Variants in PLD1 observed in about 807,000 individuals in gnomAD.
PLD1 encodes the protein phospholipase D1.
PLD1 carries 112 observed loss-of-function variants against 137.1 expected under a neutral mutation model. That is an observed-to-expected ratio of 0.82 (90% CI 0.70 to 0.96). The LOEUF is 0.96. Ranked by LOEUF, PLD1 falls within the 40% of genes least tolerant of loss-of-function variation. The probability of loss-of-function intolerance (pLI) is 0.00; values close to 1 mark genes in which losing one functional copy is unlikely to be tolerated. For synonymous variants in PLD1, 431 were observed against 454.7 expected, an observed-to-expected ratio of 0.95 and a Z score of 0.66; for missense variants, 1,321 against 1,342.0, an observed-to-expected ratio of 0.98 and a Z score of 0.24.
chr3:171,603,167 G>T lies in PLD1; in HGVS notation c.3136C>A (p.Gln1046Lys). Residue 1046 changes from glutamine to lysine, a missense_variant, in exon 27 of 27, where the codon CAA becomes AAA. Transcript: ENST00000351298. ...ELKKIRGFLVQFPFYFLSEES... is the reference protein window; with the variant it reads ...ELKKIRGFLVKFPFYFLSEES... Reference sequence around the variant, plus strand: ...TCAGACAAGAAATAAAAGGGGAATTGCACCAAAAATCCACGGATCTTCTTC... The same window carrying T: ...TCAGACAAGAAATAAAAGGGGAATTTCACCAAAAATCCACGGATCTTCTTC... The T allele has an allele frequency of 1.2e-6, 2 of 1,614,098 alleles. No homozygotes were observed. The highest frequency in any genetic ancestry group is 8.5e-7 in the Non-Finnish European group (1 of 1,179,976).
chr3:171,803,930 T>A (rs1723745261), intron 1 of PLD1, among the ~76,000 whole-genome samples: 1 of 152,176 alleles, frequency 6.6e-6, no homozygotes, highest in Non-Finnish European at 1.5e-5. Context: ...CTTTTAAAAA[T>A]AGTTTTAACA....
intron 1 of PLD1, among the ~76,000 whole-genome samples, chr3:171,738,928 A>C (rs1419834485): frequency 6.6e-6 from 1 of 152,228 alleles, no homozygotes; most frequent in Non-Finnish European, 1.5e-5. Flanking sequence ...CTGATGTAGA[A>C]ATAATCTGTT....
At position 171,616,176 on chromosome 3, in the gene PLD1, T is replaced by A. The variant is rs1401342256; in HGVS notation, c.2729-3744A>T. ...TTTTTCTTTGGACATTTGTTTTTTC[T>A]TATTGATTTATAGGAGTTCTTTATG... On this transcript the variant is annotated intron_variant, in intron 24 of 26. Coordinates refer to ENST00000351298, the MANE Select transcript of PLD1 (RefSeq NM_002662.5). Among the ~76,000 whole-genome samples, 14 of 152,242 alleles carry A rather than the reference T, an allele frequency of 9.2e-5. 1 individual carries two copies. The highest frequency in any genetic ancestry group is 2.9e-5 in the Non-Finnish European group (2 of 68,036).
At chr3:171,783,712 G>A (rs1051098865) in intron 1 of PLD1, among the ~76,000 whole-genome samples, 2 of 152,022 alleles carry the variant, frequency 1.3e-5, no homozygotes, top group African/African-American at 4.8e-5. Flanking sequence ...GTACAATCAC[G>A]GTTCACTACA....
intron 1 of PLD1, among the ~76,000 whole-genome samples, chr3:171,776,019 G>A (rs920727968): frequency 6.6e-5 from 10 of 152,130 alleles, no homozygotes; most frequent in South Asian, 2.1e-4. Context: ...TTTCTACCAC[G>A]TGACTCCACA....
intron 21 of PLD1, among the ~76,000 whole-genome samples, chr3:171,652,680 C>G (rs1239279350): frequency 6.6e-6 from 1 of 150,976 alleles, no homozygotes; most frequent in Non-Finnish European, 1.5e-5. Flanking sequence ...TGGCGCACTG[C>G]AGCCTTCACC....
chr3:171,726,571 C>A (rs908787450), intron 6 of PLD1, among the ~76,000 whole-genome samples: 1 of 151,870 alleles, frequency 6.6e-6, no homozygotes, highest in African/African-American at 2.4e-5. Flanking sequence ...AGTTGGGTTA[C>A]AGTGAATAAG....
At chr3:171,744,049 A>G (rs1218800724) in intron 1 of PLD1, among the ~76,000 whole-genome samples, 1 of 152,232 alleles carries the variant, frequency 6.6e-6, no homozygotes, top group Non-Finnish European at 1.5e-5. Context: ...GGCGTGTAAC[A>G]TGTTAGAAAC....
At chr3:171,627,724 C>A (rs1319778450) in intron 23 of PLD1, among the ~76,000 whole-genome samples, 1 of 152,178 alleles carries the variant, frequency 6.6e-6, no homozygotes, top group Non-Finnish European at 1.5e-5. Flanking sequence ...AACTGCTCAA[C>A]TACATGGAAA....
chr3:171,705,123 G>T (rs1386762099), intron 11 of PLD1, among the ~76,000 whole-genome samples: 1 of 152,158 alleles, frequency 6.6e-6, no homozygotes, highest in East Asian at 1.9e-4. Context: ...TTGGAGGTTG[G>T]GGACCCTGTC....
intron 6 of PLD1, among the ~76,000 whole-genome samples, chr3:171,730,199 A>G (rs928395826): frequency 6.6e-6 from 1 of 152,234 alleles, no homozygotes; most frequent in African/African-American, 2.4e-5. Flanking sequence ...TTCAGAATAC[A>G]AAAGGAATTC....
chr3:171,621,303 A>G (rs569492338), intron 23 of PLD1, among the ~76,000 whole-genome samples: 8 of 152,298 alleles, frequency 5.3e-5, no homozygotes, highest in Non-Finnish European at 8.8e-5. Flanking sequence ...AGTGTTAGTC[A>G]CAGGATTTTT....
rs373646786 is a variant in PLD1, at chr3:171,609,342, A to G, written c.2882+2937T>C. 4.0e-4 allele frequency among the ~76,000 whole-genome samples: 61 copies of G among 152,124 alleles called. 1 individual carries two copies. Among genetic ancestry groups the G allele is most frequent in the African/African-American group, 1.4e-3 (60 of 41,432 alleles). On this transcript the variant is annotated intron_variant, in intron 25 of 26. Transcript: ENST00000351298. ...GAGACAGTATGGACACTTCTCAAAG[A>G]GCTAAATATAGAACTATCATTCAAT...
chr3:171,733,423 A>T, intron 6 of PLD1, 21 bp downstream of exon 6: 1 of 971,510 alleles, frequency 1.0e-6, no homozygotes, highest in Non-Finnish European at 1.6e-6. Context: ...CTCCAAACTT[A>T]AATCACTGAC....
intron 16 of PLD1, 30 bp from the exon 17 acceptor site, chr3:171,677,724 C>T (rs370768650): frequency 6.2e-6 from 10 of 1,609,254 alleles, no homozygotes; most frequent in Admixed American, 1.7e-5. Context: ...CCCTCAGAGA[C>T]TGTGGTTCAG....
At chr3:171,684,117 T>C (rs1714304383) in intron 16 of PLD1, among the ~76,000 whole-genome samples, 1 of 152,184 alleles carries the variant, frequency 6.6e-6, no homozygotes, top group African/African-American at 2.4e-5. Flanking sequence ...ACATGTATGA[T>C]CAGTGTCTCA....
At chr3:171,798,522 T>C (rs1324115008) in intron 1 of PLD1, among the ~76,000 whole-genome samples, 1 of 152,170 alleles carries the variant, frequency 6.6e-6, no homozygotes, top group Non-Finnish European at 1.5e-5. Context: ...CAGGTGACAG[T>C]GTCAATAATG....
At chr3:171,777,376 T>A (rs938637420) in intron 1 of PLD1, among the ~76,000 whole-genome samples, 2 of 152,226 alleles carry the variant, frequency 1.3e-5, no homozygotes, top group Non-Finnish European at 2.9e-5. Flanking sequence ...GAGGTTTCGC[T>A]TAGAGCTGCT....
chr3:171,699,891 G>A (rs1716090800), intron 11 of PLD1, 65 bp from the exon 12 acceptor site: 1 of 1,298,464 alleles, frequency 7.7e-7, no homozygotes, highest in Non-Finnish European at 1.1e-6. Context: ...TTGTGTCATA[G>A]GAAGCAAAGG....
Sources: gnomAD v4.1 joint callset for allele counts (sites outside exome capture counted in the v4.1 genomes callset) on GRCh38, gnomAD v4.1.1 for gene constraint, MANE v1.5 for transcripts, NCBI Gene and HGNC (gene_info 2026-07-23, HGNC 2026-07-21) for gene names.